PTPRK: variants seen among roughly 807,000 people sequenced by gnomAD.
PTPRK encodes the protein protein tyrosine phosphatase receptor type K, also known as receptor-type tyrosine-protein phosphatase kappa.
Under a neutral mutation model 178.0 loss-of-function variants are expected in PTPRK, and 75 were observed. The ratio of observed to expected loss-of-function variants is 0.42; its 90% CI spans 0.35 to 0.51. The LOEUF (loss-of-function observed/expected upper bound fraction) is 0.51. PTPRK is among the 20% of genes least tolerant of loss of function. The pLI, the probability that PTPRK is intolerant of heterozygous loss-of-function variation, is 0.02. For missense variants in PTPRK, 1,441 were observed against 1,797.8 expected (o/e 0.80, Z 3.59); for synonymous variants, 637 against 620.6 (o/e 1.03, Z -0.39).
chr6:128,249,826 C>T (rs770480449), intron 3 of PTPRK, among the ~76,000 whole-genome samples: 14 of 152,006 alleles, frequency 9.2e-5, no homozygotes, highest in Non-Finnish European at 1.9e-4. Flanking sequence ...AGGATGATGA[C>T]GTGGTTGAAA....
At chr6:128,375,103 T>TATC (rs1219580985) in intron 2 of PTPRK, among the ~76,000 whole-genome samples, 4 of 144,554 alleles carry the variant, frequency 2.8e-5, no homozygotes, top group East Asian at 4.0e-4. Context: ...TTATTATTAT[T>TATC]ATCCTTTTCC....
intron 7 of PTPRK, among the ~76,000 whole-genome samples, chr6:128,132,518 C>A (rs1372545905): frequency 2.0e-5 from 3 of 152,000 alleles, no homozygotes; most frequent in African/African-American, 7.2e-5. Flanking sequence ...CAGTAATAGT[C>A]TCTTCCTCTG....
At chr6:128,518,468 G>C (rs1858427090) in intron 1 of PTPRK, among the ~76,000 whole-genome samples, 1 of 152,188 alleles carries the variant, frequency 6.6e-6, no homozygotes, top group Non-Finnish European at 1.5e-5. Context: ...TCGCTGTTGA[G>C]ACATTAATAG....
At chr6:128,450,868 T>C (rs868461214) in intron 1 of PTPRK, among the ~76,000 whole-genome samples, 8 of 152,306 alleles carry the variant, frequency 5.3e-5, no homozygotes, top group Middle Eastern at 6.8e-3. Context: ...CAAAATAAGA[T>C]GGGTTGTTTA....
chr6:128,199,160 T>C (rs1805450790), intron 6 of PTPRK, among the ~76,000 whole-genome samples: 1 of 152,176 alleles, frequency 6.6e-6, no homozygotes, highest in African/African-American at 2.4e-5. Context: ...TGAAAAGTCA[T>C]ATAGTAGTAT....
chr6:128,190,927 G>T (rs1803685306), intron 6 of PTPRK, among the ~76,000 whole-genome samples: 1 of 152,182 alleles, frequency 6.6e-6, no homozygotes. Flanking sequence ...ACCTATGTAG[G>T]TATCAATCAG....
chr6:127,981,609 A>G (rs747987596), intron 24 of PTPRK, among the ~76,000 whole-genome samples: 5 of 152,096 alleles, frequency 3.3e-5, no homozygotes, highest in Non-Finnish European at 7.4e-5. Context: ...ATGACCCTTC[A>G]TCACACTGGG....
In PTPRK at chr6:128,004,507, C is replaced by T. The variant is rs7763557; in HGVS notation, c.2494+577G>A. On this transcript the variant is annotated intron_variant, in intron 15 of 29. Transcript: ENST00000368226. ...AAGACAGATGGATGGATGAATTTCA[C>T]TATGCCTTGCAAAACCCCCAATTCA... 8.6e-3 allele frequency among the ~76,000 whole-genome samples: 1,299 copies of T among 151,886 alleles called. 21 individuals carry two copies. Among genetic ancestry groups the T allele is most frequent in the African/African-American group, 0.029 (1,221 of 41,504 alleles).
At chr6:127,987,140 T>G (rs1371389039) in intron 21 of PTPRK, among the ~76,000 whole-genome samples, 2 of 152,118 alleles carry the variant, frequency 1.3e-5, no homozygotes, top group Non-Finnish European at 2.9e-5. Context: ...CTATTACATG[T>G]ATAGGGTTTG....
Position 128,366,597 on chromosome 6 carries a change from T to C in PTPRK, c.223+30969A>G, listed in dbSNP as rs148054810. Among the ~76,000 whole-genome samples, 302 of 152,206 alleles carry C rather than the reference T, an allele frequency of 2.0e-3. 1 individual carries two copies. The highest frequency in any genetic ancestry group is 7.1e-3 in the African/African-American group (294 of 41,550). On this transcript the variant is annotated intron_variant, in intron 2 of 29. Transcript: ENST00000368226. ...CATTTTTATGGCTGAGTAAATAAAC[T>C]CTTAAGTTTAAGGTAACTTATCCAC...
intron 13 of PTPRK, among the ~76,000 whole-genome samples, chr6:128,043,689 A>G (rs1450915297): frequency 6.6e-6 from 1 of 151,956 alleles, no homozygotes; most frequent in African/African-American, 2.4e-5. Flanking sequence ...AAACTATTTA[A>G]TGTACTATTT....
chr6:128,224,450 CA>C (rs779835059), intron 5 of PTPRK, among the ~76,000 whole-genome samples: 6 of 152,134 alleles, frequency 3.9e-5, no homozygotes, highest in Non-Finnish European at 8.8e-5. Flanking sequence ...GTTGATTCTC[CA>C]ACATCTATTT....
At chr6:128,325,572 G>A (rs1363244898) in intron 2 of PTPRK, among the ~76,000 whole-genome samples, 1 of 151,978 alleles carries the variant, frequency 6.6e-6, no homozygotes, top group African/African-American at 2.4e-5. Context: ...AAAAAAAAAG[G>A]TCATCATCAC....
intron 1 of PTPRK, chr6:128,500,819 G>C (rs530904265): frequency 6.6e-6 from 1 of 152,230 alleles, no homozygotes; most frequent in Middle Eastern, 3.4e-3. Context: ...TCTATACTCT[G>C]TTGCCCGGGC....
intron 1 of PTPRK, among the ~76,000 whole-genome samples, chr6:128,504,083 T>C (rs567397934): frequency 1.3e-5 from 2 of 152,292 alleles, no homozygotes; most frequent in South Asian, 2.1e-4. Context: ...AGAATAGATA[T>C]ATCCTTTTTG....
intron 6 of PTPRK, among the ~76,000 whole-genome samples, chr6:128,216,874 CAA>C (rs1809406322): frequency 6.6e-6 from 1 of 151,990 alleles, no homozygotes; most frequent in South Asian, 2.1e-4. Context: ...AGAAATACAT[CAA>C]GAGTGACTTT....
intron 1 of PTPRK, among the ~76,000 whole-genome samples, chr6:128,469,580 T>A (rs1173730004): frequency 6.6e-6 from 1 of 152,190 alleles, no homozygotes; most frequent in Non-Finnish European, 1.5e-5. Context: ...CAAGTCATAT[T>A]TTTATTTTAA....
chr6:128,310,070 T>C (rs1026533276), intron 3 of PTPRK, among the ~76,000 whole-genome samples: 2 of 152,218 alleles, frequency 1.3e-5, no homozygotes, highest in Non-Finnish European at 2.9e-5. Flanking sequence ...CTTAGTGAGC[T>C]ACTCTGTCTT....
intron 1 of PTPRK, among the ~76,000 whole-genome samples, chr6:128,493,306 C>T (rs999128652): frequency 6.2e-4 from 95 of 152,214 alleles, no homozygotes; most frequent in Admixed American, 1.8e-3. Context: ...CTCACGCCTG[C>T]AATCCCAGCA....
Sources: allele counts gnomAD v4.1 joint callset (sites outside exome capture counted in the v4.1 genomes callset), GRCh38; gene constraint gnomAD v4.1.1; transcripts MANE v1.5; gene names NCBI Gene and HGNC (gene_info 2026-07-23, HGNC 2026-07-21).